Variants in ABTB3 observed in about 807,000 individuals in gnomAD.
ABTB3 encodes the protein ankyrin repeat- and BTB/POZ domain-containing protein 3.
chr12:107,580,700 GC>G, the ABTB3 span: 1 of 834,820 alleles, frequency 1.2e-6, no homozygotes. Context: ...GGAAGGGAGT[GC>G]TAGCGGACAC....
the ABTB3 span, among the ~76,000 whole-genome samples, chr12:107,612,194 C>T: frequency 8.4e-4 from 128 of 152,176 alleles, 2 homozygotes; most frequent in Non-Finnish European, 1.8e-4. Flanking sequence ...TGAGATGCTT[C>T]GTTTATAGAA....
At chr12:107,569,444 G>T in the ABTB3 span, among the ~76,000 whole-genome samples, 1 of 152,156 alleles carries the variant, frequency 6.6e-6, no homozygotes, top group Non-Finnish European at 1.5e-5. Context: ...TTTTCACAAG[G>T]TTGATGAACA....
At chr12:107,375,464 CATA>C in the ABTB3 span, among the ~76,000 whole-genome samples, 4 of 128,300 alleles carry the variant, frequency 3.1e-5, no homozygotes, top group South Asian at 5.1e-4. Context: ...TCATCATCAT[CATA>C]AATAAAAATA....
At chr12:107,336,537 C>T in the ABTB3 span, among the ~76,000 whole-genome samples, 6 of 152,134 alleles carry the variant, frequency 3.9e-5, no homozygotes, top group East Asian at 3.9e-4. Flanking sequence ...AATGACGTGA[C>T]GTCTATAAGC....
the ABTB3 span, among the ~76,000 whole-genome samples, chr12:107,360,050 G>A: frequency 4.6e-5 from 7 of 152,090 alleles, no homozygotes; most frequent in Non-Finnish European, 2.9e-5. Flanking sequence ...CTTATGCTGA[G>A]TTATAAAATC....
the ABTB3 span, among the ~76,000 whole-genome samples, chr12:107,524,549 C>A: frequency 3.3e-5 from 5 of 152,164 alleles, no homozygotes; most frequent in African/African-American, 1.2e-4. Context: ...ATAACGGCAG[C>A]AGCTGATGTT....
chr12:107,406,654 G>A, the ABTB3 span, among the ~76,000 whole-genome samples: 1 of 152,174 alleles, frequency 6.6e-6, no homozygotes. Context: ...ACCTGCTCAG[G>A]TACTGTTGTA....
the ABTB3 span, among the ~76,000 whole-genome samples, chr12:107,331,789 T>C: frequency 6.6e-6 from 1 of 152,334 alleles, no homozygotes; most frequent in South Asian, 2.1e-4. Context: ...ACCCTCGTCC[T>C]GCTCCTGCCA....
chr12:107,334,214 A>G, the ABTB3 span, among the ~76,000 whole-genome samples: 1 of 152,298 alleles, frequency 6.6e-6, no homozygotes, highest in East Asian at 1.9e-4. Flanking sequence ...GGTCTGGTTG[A>G]AGATGGACTC....
chr12:107,547,558 C>A, the ABTB3 span, among the ~76,000 whole-genome samples: 9 of 152,138 alleles, frequency 5.9e-5, no homozygotes, highest in Non-Finnish European at 8.8e-5. Context: ...AGAACATGTC[C>A]CAGAATTTGT....
the ABTB3 span, among the ~76,000 whole-genome samples, chr12:107,601,435 G>A: frequency 6.7e-5 from 9 of 134,350 alleles, no homozygotes; most frequent in South Asian, 2.2e-4. Flanking sequence ...CAATAAGCAC[G>A]TAATAAAGGG....
the ABTB3 span, among the ~76,000 whole-genome samples, chr12:107,352,151 G>A: frequency 6.6e-6 from 1 of 152,244 alleles, no homozygotes. Context: ...GACACTGGGT[G>A]AAGAGGGCTG....
At chr12:107,372,750 C>T in the ABTB3 span, among the ~76,000 whole-genome samples, 19 of 152,274 alleles carry the variant, frequency 1.2e-4, no homozygotes, top group South Asian at 3.9e-3. Context: ...CTGATGACCC[C>T]ATCATTCTCT....
At chr12:107,596,587 C>T in the ABTB3 span, among the ~76,000 whole-genome samples, 1 of 152,114 alleles carries the variant, frequency 6.6e-6, no homozygotes, top group Non-Finnish European at 1.5e-5. Context: ...CACACTCTAG[C>T]CTGGGCGACA....
chr12:107,533,968 G>A, the ABTB3 span, among the ~76,000 whole-genome samples: 42 of 152,258 alleles, frequency 2.8e-4, no homozygotes, highest in South Asian at 2.5e-3. Context: ...TCAATAACGA[G>A]GAACTTTGGA....
chr12:107,471,705 C>G, the ABTB3 span, among the ~76,000 whole-genome samples: 1 of 152,182 alleles, frequency 6.6e-6, no homozygotes, highest in African/African-American at 2.4e-5. Context: ...CATGACCCCC[C>G]AGGTCAGGCA....
the ABTB3 span, among the ~76,000 whole-genome samples, chr12:107,377,698 C>A: frequency 1.3e-5 from 2 of 152,238 alleles, no homozygotes; most frequent in East Asian, 1.9e-4. Flanking sequence ...TCATTTCTGG[C>A]AAATGCCTGT....
At chr12:107,389,969 T>A in the ABTB3 span, among the ~76,000 whole-genome samples, 1 of 152,088 alleles carries the variant, frequency 6.6e-6, no homozygotes, top group Non-Finnish European at 1.5e-5. Context: ...GTGTTCTCTC[T>A]GCATGGTCTT....
At chr12:107,319,789 G>C in the ABTB3 span, 3 of 1,448,398 alleles carry the variant, frequency 2.1e-6, no homozygotes, top group Non-Finnish European at 2.7e-6. Context: ...CGGCCCCCGC[G>C]GCGGATAAAG....
Sources: allele counts gnomAD v4.1 joint callset (sites outside exome capture counted in the v4.1 genomes callset), GRCh38; gene constraint gnomAD v4.1.1; transcripts MANE v1.5; gene names NCBI Gene and HGNC (gene_info 2026-07-23, HGNC 2026-07-21).